PIGB: variants seen among roughly 807,000 people sequenced by gnomAD.
The protein encoded by PIGB is phosphatidylinositol glycan anchor biosynthesis class B.
Under a neutral mutation model 68.4 loss-of-function variants are expected in PIGB, and 58 were observed. That is an observed-to-expected ratio of 0.85 (90% CI 0.69 to 1.06). PIGB has a LOEUF of 1.06. Among genes scored for constraint, PIGB ranks in the 50% least tolerant of loss-of-function variants. PIGB has a pLI of 0.00. For missense variants in PIGB, 634 were observed against 655.8 expected (o/e 0.97, Z 0.36); for synonymous variants, 219 against 220.5 (o/e 0.99, Z 0.06).
At chr15:55,352,118 T>C (rs1317986230) in intron 10 of PIGB, among the ~76,000 whole-genome samples, 4 of 151,540 alleles carry the variant, frequency 2.6e-5, no homozygotes, top group Non-Finnish European at 4.4e-5. Flanking sequence ...CCGGCTAATT[T>C]TGTATTTTTA....
chr15:55,331,926 ATTCCTTCAT>A (rs974115436), intron 5 of PIGB, among the ~76,000 whole-genome samples: 7 of 151,378 alleles, frequency 4.6e-5, no homozygotes, highest in African/African-American at 1.7e-4. Context: ...TTGGGCTAGG[ATTCCTTCAT>A]GACAATACCA....
At chr15:55,326,265 A>G (rs988738579) in intron 3 of PIGB, among the ~76,000 whole-genome samples, 9 of 151,708 alleles carry the variant, frequency 5.9e-5, no homozygotes, top group African/African-American at 1.7e-4. Flanking sequence ...ATATCTTATT[A>G]TCTTATACAT....
chr15:55,335,934 A>G (rs1273267497), intron 6 of PIGB, among the ~76,000 whole-genome samples: 2 of 152,220 alleles, frequency 1.3e-5, no homozygotes, highest in Non-Finnish European at 2.9e-5. Flanking sequence ...CAGCATGATA[A>G]TAACTTATTC....
intron 3 of PIGB, among the ~76,000 whole-genome samples, chr15:55,326,860 CTT>C (rs1243833730): frequency 6.6e-6 from 1 of 151,894 alleles, no homozygotes; most frequent in Non-Finnish European, 1.5e-5. Context: ...AAAACAGAAA[CTT>C]AACACAATTA....
intron 6 of PIGB, among the ~76,000 whole-genome samples, chr15:55,336,714 A>G (rs913869769): frequency 1.2e-4 from 19 of 152,344 alleles, no homozygotes; most frequent in African/African-American, 4.1e-4. Flanking sequence ...GTGGTTGGGC[A>G]CGATGGCTCA....
chr15:55,330,128 G>A (rs922531106), intron 5 of PIGB, among the ~76,000 whole-genome samples: 2 of 152,190 alleles, frequency 1.3e-5, no homozygotes, highest in Non-Finnish European at 2.9e-5. Context: ...ATAGTAGGAA[G>A]TCTGTATTAT....
intron 4 of PIGB, among the ~76,000 whole-genome samples, chr15:55,329,173 T>C (rs1344982808): frequency 6.6e-6 from 1 of 152,242 alleles, no homozygotes; most frequent in Non-Finnish European, 1.5e-5. Context: ...ACTGATTCAT[T>C]AATTTAGTCA....
At chr15:55,355,188 G>A (rs2056049042) in intron 11 of PIGB, 98 bp from the exon 12 acceptor site, 2 of 1,029,432 alleles carry the variant, frequency 1.9e-6, no homozygotes, top group Non-Finnish European at 1.4e-6. Context: ...TAAGCAAAAA[G>A]TTGTAGACAG....
chr15:55,340,956 C>A lies in PIGB; in HGVS notation c.1058+133C>A. 4 of 595,418 alleles carry A rather than the reference C, an allele frequency of 6.7e-6. No homozygotes were observed. The South Asian group carries it at 9.2e-5, about 14-fold the overall frequency. The allele number at this position is 595,418 out of a possible 1,614,324, so 36.9% of individuals were successfully genotyped here. ...TTAGTGGGAATTATCTTAGAAGATA[C>A]AAGTAGTAGTAATTATGGAGGCACT... On this transcript the variant is annotated intron_variant, in intron 8 of 11. Coordinates refer to ENST00000164305, the MANE Select transcript of PIGB (RefSeq NM_004855.5).
intron 3 of PIGB, 46 bp downstream of exon 3, chr15:55,321,436 T>A: frequency 6.6e-7 from 1 of 1,516,830 alleles, no homozygotes; most frequent in Non-Finnish European, 8.9e-7. Context: ...GCCATGGAAT[T>A]TGTTTTTAAA....
At position 55,329,186 on chromosome 15, in the gene PIGB, C is replaced by G. The variant is rs1249917916; in HGVS notation, c.523-538C>G. 2.6e-5 allele frequency among the ~76,000 whole-genome samples: 4 copies of G among 151,172 alleles called. No individual in the cohort carries two copies. The East Asian group carries it at 7.7e-4, about 29-fold the overall frequency. ...AAACTGATTCATTAATTTAGTCAAT[C>G]TCCAAATTAAAATTTAATAATGTCT... is the stretch of plus-strand genomic sequence containing the variant. On this transcript the variant is annotated intron_variant, in intron 4 of 11. Coordinates refer to ENST00000164305, the MANE Select transcript of PIGB (RefSeq NM_004855.5).
At chr15:55,348,278 C>T (rs1331170411) in intron 9 of PIGB, 1 of 152,250 alleles carries the variant, frequency 6.6e-6, no homozygotes, top group African/African-American at 2.4e-5. Context: ...AGCCACAGCC[C>T]CCGGCCTTGA....
chr15:55,345,899 A>G (rs1202064352), intron 9 of PIGB, among the ~76,000 whole-genome samples: 3 of 152,212 alleles, frequency 2.0e-5, no homozygotes, highest in African/African-American at 7.2e-5. Context: ...GTTCTTATCT[A>G]AACACTGAAA....
At chr15:55,332,498 G>A (rs2055440784) in intron 5 of PIGB, among the ~76,000 whole-genome samples, 1 of 151,550 alleles carries the variant, frequency 6.6e-6, no homozygotes, top group Non-Finnish European at 1.5e-5. Flanking sequence ...AGCCTCCCAA[G>A]TAGCTGGGAT....
chr15:55,330,012 T>C (rs1232232329), intron 5 of PIGB, among the ~76,000 whole-genome samples, 158 bp downstream of exon 5: 1 of 152,108 alleles, frequency 6.6e-6, no homozygotes, highest in Admixed American at 6.5e-5. Flanking sequence ...CAGATAATAC[T>C]CAAACAGGAT....
rs188761722 is a variant in PIGB at position 55,326,067 on chromosome 15, T to G, written c.418-1464T>G. 4.8e-3 allele frequency among the ~76,000 whole-genome samples: 734 copies of G among 151,838 alleles called. 9 individuals are homozygous for G. Among genetic ancestry groups the G allele is most frequent in the African/African-American group, 0.017 (702 of 41,396 alleles). ...AAAAAATTAGCTGGGCGTGGCGGCG[T>G]GCACCTGTAGTCCCAGCTACTCAGG... On this transcript the variant is annotated intron_variant, in intron 3 of 11. Coordinates refer to ENST00000164305, the MANE Select transcript of PIGB (RefSeq NM_004855.5).
intron 10 of PIGB, 92 bp from the exon 11 acceptor site, chr15:55,354,706 C>A: frequency 1.1e-6 from 1 of 951,362 alleles, no homozygotes. Context: ...ATTCAGATTT[C>A]ACATTTTGCT....
At chr15:55,352,718 T>C (rs1483073407) in intron 10 of PIGB, among the ~76,000 whole-genome samples, 1 of 152,150 alleles carries the variant, frequency 6.6e-6, no homozygotes, top group Non-Finnish European at 1.5e-5. Context: ...GGTCATACCA[T>C]TGCACTCCAA....
At chr15:55,347,318 C>T (rs1566958307) in intron 9 of PIGB, among the ~76,000 whole-genome samples, 3 of 152,158 alleles carry the variant, frequency 2.0e-5, no homozygotes, top group South Asian at 4.1e-4. Context: ...CCCAGCTACC[C>T]AGGAGGCTAA....
Sources: allele counts gnomAD v4.1 joint callset (sites outside exome capture counted in the v4.1 genomes callset), GRCh38; gene constraint gnomAD v4.1.1; transcripts MANE v1.5; gene names NCBI Gene and HGNC (gene_info 2026-07-23, HGNC 2026-07-21).